Variants in MYLK4 observed in about 807,000 individuals in gnomAD.
MYLK4 encodes caMLCK like.
MYLK4 carries 46 observed loss-of-function variants against 48.1 expected under a neutral mutation model. That is an observed-to-expected ratio of 0.96 (90% confidence interval 0.75 to 1.22). The LOEUF (loss-of-function observed/expected upper bound fraction) is 1.22, where lower values mean the gene tolerates loss of function less well. Among genes scored for constraint, MYLK4 ranks in the 50% most tolerant of loss-of-function variants. The probability of loss-of-function intolerance (pLI) is 0.00; values close to 1 mark genes in which losing one functional copy is unlikely to be tolerated. For missense variants in MYLK4, 451 were observed against 486.1 expected (o/e 0.93, Z 0.68); for synonymous variants, 170 against 180.8 (o/e 0.94, Z 0.48).
At chr6:2,766,375 G>A in the MYLK4 span, 8 of 1,608,838 alleles carry the variant, frequency 5.0e-6, no homozygotes, top group African/African-American at 1.1e-4. Context: ...AGGATACCCT[G>A]CTGCGCTCGC....
intron 2 of MYLK4, among the ~76,000 whole-genome samples, chr6:2,726,867 C>T (rs1470242078): frequency 6.6e-6 from 1 of 152,196 alleles, no homozygotes; most frequent in Non-Finnish European, 1.5e-5. Flanking sequence ...CCACCTCAGC[C>T]TCCCAAAGTG....
At chr6:2,730,586 T>C (rs188180301) in intron 2 of MYLK4, among the ~76,000 whole-genome samples, 3 of 152,258 alleles carry the variant, frequency 2.0e-5, no homozygotes, top group East Asian at 1.9e-4. Flanking sequence ...AATAGGGCAG[T>C]GTAGGAATCC....
At chr6:2,668,680 C>T (rs1170269238) in intron 12 of MYLK4, among the ~76,000 whole-genome samples, 4 of 152,178 alleles carry the variant, frequency 2.6e-5, no homozygotes, top group African/African-American at 7.2e-5. Flanking sequence ...GGAATATTAT[C>T]GTGAAGAATA....
At chr6:2,711,218 A>C (rs1047226006) in intron 2 of MYLK4, among the ~76,000 whole-genome samples, 1 of 152,266 alleles carries the variant, frequency 6.6e-6, no homozygotes, top group Non-Finnish European at 1.5e-5. Flanking sequence ...GTTGTTATCC[A>C]GTTTCCATGC....
At chr6:2,770,138 G>A in the MYLK4 span, 20 of 1,614,164 alleles carry the variant, frequency 1.2e-5, no homozygotes, top group Admixed American at 1.5e-4. Flanking sequence ...CCTTCCTCAC[G>A]TGGAATGTGG....
chr6:2,690,025 C>A (rs1032672897), intron 3 of MYLK4, among the ~76,000 whole-genome samples: 1 of 152,112 alleles, frequency 6.6e-6, no homozygotes, highest in African/African-American at 2.4e-5. Context: ...AATACACAAG[C>A]GGCATCGAAA....
chr6:2,764,123 G>A, the MYLK4 span, among the ~76,000 whole-genome samples: 1 of 152,158 alleles, frequency 6.6e-6, no homozygotes, highest in African/African-American at 2.4e-5. Context: ...GAGTGAAACT[G>A]CGTCTCAAAA....
chr6:2,706,075 AT>A (rs1561854265), intron 2 of MYLK4, among the ~76,000 whole-genome samples: 4 of 152,184 alleles, frequency 2.6e-5, no homozygotes. Context: ...AATATTGATG[AT>A]CTTTTCCCAC....
At chr6:2,765,373 G>A in the MYLK4 span, 2 of 333,878 alleles carry the variant, frequency 6.0e-6, no homozygotes, top group Admixed American at 5.1e-5. Context: ...CTCCGCCGCC[G>A]GGGCAAACGG....
chr6:2,760,208 T>C, the MYLK4 span, among the ~76,000 whole-genome samples: 302 of 152,324 alleles, frequency 2.0e-3, no homozygotes, highest in African/African-American at 7.1e-3. Flanking sequence ...TTACATTGTA[T>C]TAGGTATCAT....
intron 2 of MYLK4, among the ~76,000 whole-genome samples, chr6:2,697,180 C>G (rs1352081870): frequency 6.6e-6 from 1 of 152,156 alleles, no homozygotes; most frequent in African/African-American, 2.4e-5. Context: ...AGCACAAAAT[C>G]AAAATAATTT....
chr6:2,767,827 C>G, the MYLK4 span, among the ~76,000 whole-genome samples: 2 of 152,190 alleles, frequency 1.3e-5, no homozygotes, highest in Non-Finnish European at 2.9e-5. Flanking sequence ...GGGCGTTGGT[C>G]ATTTGCAAGC....
chr6:2,702,137 A>T (rs1762307853), intron 2 of MYLK4, among the ~76,000 whole-genome samples: 1 of 151,914 alleles, frequency 6.6e-6, no homozygotes, highest in African/African-American at 2.4e-5. Context: ...GAGGCCCAGG[A>T]CTCCCGCTGG....
intron 2 of MYLK4, among the ~76,000 whole-genome samples, chr6:2,729,072 T>C (rs1763385114): frequency 1.3e-5 from 2 of 152,346 alleles, no homozygotes; most frequent in Admixed American, 1.3e-4. Flanking sequence ...GTCCACCAAC[T>C]GTGCTCACGC....
At chr6:2,701,493 T>C (rs188208438) in intron 2 of MYLK4, among the ~76,000 whole-genome samples, 1 of 152,194 alleles carries the variant, frequency 6.6e-6, no homozygotes, top group Non-Finnish European at 1.5e-5. Context: ...CTCCTAATGG[T>C]TTACCTTTCT....
intron 1 of MYLK4, among the ~76,000 whole-genome samples, chr6:2,750,340 T>A (rs1431872663): frequency 6.6e-6 from 1 of 152,258 alleles, no homozygotes; most frequent in Admixed American, 6.5e-5. Flanking sequence ...TAACAAATTA[T>A]ACTTATCCAC....
In MYLK4 at chr6:2,679,190, C is replaced by T. The variant is rs1335999372; in HGVS notation, c.887+90G>A. 24 of 1,467,148 alleles carry T rather than the reference C, an allele frequency of 1.6e-5. No homozygotes were observed. The South Asian group carries it at 2.1e-4, about 13-fold the overall frequency. The allele number at this position is 1,467,148 out of a possible 1,614,324, so 90.9% of individuals were successfully genotyped here. ...GACAGTGTTATTTATTTTTTAAATA[C>T]CCCAATTGGGGCTTTTATTTAAAAC... On this transcript the variant is annotated intron_variant, in intron 9 of 12. Coordinates refer to ENST00000274643, the MANE Select transcript of MYLK4 (RefSeq NM_001012418.5).
At chr6:2,765,402 G>T in the MYLK4 span, 1 of 419,558 alleles carries the variant, frequency 2.4e-6, no homozygotes, top group Non-Finnish European at 3.8e-6. Context: ...TACACTTCCC[G>T]ACACGCCGCG....
chr6:2,692,526 T>C (rs968464908), intron 3 of MYLK4, among the ~76,000 whole-genome samples: 2 of 151,818 alleles, frequency 1.3e-5, no homozygotes, highest in Non-Finnish European at 2.9e-5. Flanking sequence ...CAGGTTTCTT[T>C]TTATCAGCAG....
Sources: gnomAD v4.1 joint callset for allele counts (sites outside exome capture counted in the v4.1 genomes callset) on GRCh38, gnomAD v4.1.1 for gene constraint, MANE v1.5 for transcripts, NCBI Gene and HGNC (gene_info 2026-07-23, HGNC 2026-07-21) for gene names.